BFAR: variants seen among roughly 807,000 people sequenced by gnomAD.
BFAR encodes bifunctional apoptosis regulator.
Under a neutral mutation model 54.4 loss-of-function variants are expected in BFAR, and 52 were observed. The observed-to-expected ratio is 0.96, with a 90% CI of 0.77 to 1.21. The LOEUF (loss-of-function observed/expected upper bound fraction) is 1.21. Ranked by LOEUF, BFAR falls within the 50% of genes most tolerant of loss-of-function variation. BFAR has a pLI of 0.00. For missense variants in BFAR, 571 were observed against 534.0 expected (o/e 1.07, Z -0.68); for synonymous variants, 215 against 204.3 (o/e 1.05, Z -0.45).
At chr16:14,663,116 C>T (rs958894190) in intron 6 of BFAR, among the ~76,000 whole-genome samples, 1 of 152,212 alleles carries the variant, frequency 6.6e-6, no homozygotes, top group Non-Finnish European at 1.5e-5. Flanking sequence ...CAGAGCGCAG[C>T]GCCGGGCTGT....
rs1567499075 is a variant in BFAR, at chr16:14,669,046, G to A, written c.*1219G>A. On this transcript the variant is annotated 3_prime_UTR_variant, in exon 8 of 8. Transcript: ENST00000261658. ...ATTTCCTTCCAGTGTGAACACAGCA[G>A]GTGTGAGATGTCATCTTGGAAGACA... is the stretch of plus-strand genomic sequence containing the variant. The A allele has an allele frequency of 2.2e-6, 1 of 455,066 alleles. No homozygotes were observed. Among genetic ancestry groups the A allele is most frequent in the Non-Finnish European group, 4.4e-6 (1 of 226,394 alleles). The allele number at this position is 455,066 out of a possible 1,614,324, so 28.2% of individuals were successfully genotyped here.
intron 5 of BFAR, among the ~76,000 whole-genome samples, chr16:14,658,866 T>A (rs890654290): frequency 9.9e-5 from 15 of 152,114 alleles, no homozygotes; most frequent in African/African-American, 3.6e-4. Flanking sequence ...AAAATTACAA[T>A]ATCACCATTG....
chr16:14,639,554 C>G (rs1446583979), intron 1 of BFAR, among the ~76,000 whole-genome samples: 1 of 152,134 alleles, frequency 6.6e-6, no homozygotes, highest in Non-Finnish European at 1.5e-5. Context: ...GTGATCCGCC[C>G]ACCTCCATTT....
rs906559617 is a variant in BFAR at position 14,632,969 on chromosome 16, G to C, written c.-123G>C. 1 of 155,412 alleles carries C rather than the reference G, an allele frequency of 6.4e-6. No homozygotes were observed. Among genetic ancestry groups the C allele is most frequent in the Non-Finnish European group, 1.4e-5 (1 of 69,616 alleles). 9.6% of individuals were successfully genotyped at this position (155,412 alleles called of 1,614,324 possible). ...CCTCTCCCTCTTCCTCTGCTCCCGCGGGGTCTGTGCTGAGAATAATGGCCC... is the reference window on the plus strand; with the variant it reads ...CCTCTCCCTCTTCCTCTGCTCCCGCCGGGTCTGTGCTGAGAATAATGGCCC... On this transcript the variant is annotated 5_prime_UTR_variant, in exon 1 of 8. Transcript: ENST00000261658.
intron 4 of BFAR, among the ~76,000 whole-genome samples, chr16:14,654,569 G>A (rs1265292175): frequency 1.4e-5 from 2 of 144,052 alleles, no homozygotes; most frequent in South Asian, 2.2e-4. Flanking sequence ...GGGCAGTGAC[G>A]AGATCTTAGC....
At chr16:14,640,210 A>G (rs187618809) in intron 1 of BFAR, among the ~76,000 whole-genome samples, 26 of 152,118 alleles carry the variant, frequency 1.7e-4, no homozygotes, top group Middle Eastern at 3.4e-3. Context: ...ACAGAACTCC[A>G]AAAGCTAACT....
intron 7 of BFAR, chr16:14,665,286 T>A (rs9933056): frequency 1.8e-4 from 101 of 576,932 alleles, no homozygotes; most frequent in African/African-American, 1.7e-3. Flanking sequence ...AGTATTTTCC[T>A]ATATGTCTTA....
intron 1 of BFAR, among the ~76,000 whole-genome samples, chr16:14,634,888 C>T (rs1197880702): frequency 6.6e-6 from 1 of 152,156 alleles, no homozygotes; most frequent in Non-Finnish European, 1.5e-5. Flanking sequence ...TATGCTAATG[C>T]ACAGAGACAA....
intron 1 of BFAR, chr16:14,643,679 G>A (rs1328894609): frequency 6.6e-6 from 1 of 151,946 alleles, no homozygotes; most frequent in Non-Finnish European, 1.5e-5. Flanking sequence ...GTGAGGTGGA[G>A]GATCACCTAC....
intron 1 of BFAR, among the ~76,000 whole-genome samples, chr16:14,636,984 A>T (rs1055417148): frequency 2.6e-5 from 4 of 152,344 alleles, no homozygotes; most frequent in African/African-American, 9.6e-5. Context: ...GGGTAAGGTT[A>T]TAGATTAACA....
chr16:14,662,966 G>A (rs1056873590), intron 6 of BFAR, among the ~76,000 whole-genome samples: 5 of 152,102 alleles, frequency 3.3e-5, no homozygotes, highest in African/African-American at 4.8e-5. Flanking sequence ...AGTGGGATAC[G>A]TGACTGGGGG....
Position 14,667,574 on chromosome 16 carries a change from G to A in BFAR, c.1161-61G>A, listed in dbSNP as rs1233694760. The A allele has an allele frequency of 4.7e-5, 70 of 1,480,376 alleles. No homozygotes were observed. In the South Asian group the frequency reaches 6.6e-4, roughly 14 times the overall value. 91.7% of individuals were successfully genotyped at this position (1,480,376 alleles called of 1,614,324 possible). The stretch of plus-strand genomic sequence containing the variant: ...AGCACCCAGAAAAGGCCCAGGGCCC[G>A]GACTCCTGGGTGTGGTCATGAGAAG... On this transcript the variant is annotated intron_variant, in intron 7 of 7. Coordinates refer to ENST00000261658, the MANE Select transcript of BFAR (RefSeq NM_016561.3).
chr16:14,658,794 T>A (rs917765236), intron 5 of BFAR, among the ~76,000 whole-genome samples: 2 of 151,892 alleles, frequency 1.3e-5, no homozygotes, highest in Admixed American at 1.3e-4. Flanking sequence ...CCTAAGTAAC[T>A]TCTTCTTCAC....
intron 2 of BFAR, among the ~76,000 whole-genome samples, chr16:14,648,161 C>T (rs2151838783): frequency 6.6e-6 from 1 of 152,250 alleles, no homozygotes; most frequent in Admixed American, 6.5e-5. Context: ...GCCTGGGCGA[C>T]AGAGTAAGAC....
intron 5 of BFAR, among the ~76,000 whole-genome samples, chr16:14,657,095 A>C (rs1415015907): frequency 6.6e-6 from 1 of 151,900 alleles, no homozygotes; most frequent in Non-Finnish European, 1.5e-5. Flanking sequence ...AGAGTGAGAC[A>C]CTGTCTCAAA....
chr16:14,664,459 A>ATG (rs149568321), intron 6 of BFAR, among the ~76,000 whole-genome samples: 65 of 149,094 alleles, frequency 4.4e-4, no homozygotes, highest in South Asian at 1.3e-3. Flanking sequence ...AGATTGTTGG[A>ATG]TGTGTGTGTG....
intron 1 of BFAR, among the ~76,000 whole-genome samples, chr16:14,634,101 A>T (rs1029540933): frequency 6.6e-6 from 1 of 152,194 alleles, no homozygotes; most frequent in Non-Finnish European, 1.5e-5. Context: ...TTAAGCCCTC[A>T]ACTGTCGCCA....
At chr16:14,653,042 C>A (rs942263907) in intron 4 of BFAR, among the ~76,000 whole-genome samples, 2 of 152,102 alleles carry the variant, frequency 1.3e-5, no homozygotes, top group Non-Finnish European at 2.9e-5. Context: ...ATTCACCTCC[C>A]GCAAAATTAT....
chr16:14,648,355 A>G, intron 2 of BFAR, 33 bp from the exon 3 acceptor site: 1 of 1,546,038 alleles, frequency 6.5e-7, no homozygotes, highest in Non-Finnish European at 8.9e-7. Flanking sequence ...TAGTCAAACA[A>G]CTGTCTTAAT....
Sources: allele counts gnomAD v4.1 joint callset (sites outside exome capture counted in the v4.1 genomes callset), GRCh38; gene constraint gnomAD v4.1.1; transcripts MANE v1.5; gene names NCBI Gene and HGNC (gene_info 2026-07-23, HGNC 2026-07-21).